Variants in LMF1 observed in about 807,000 individuals in gnomAD.
LMF1 encodes transmembrane protein 112.
Under a neutral mutation model 60.6 loss-of-function variants are expected in LMF1, and 68 were observed. The observed-to-expected ratio is 1.12, with a 90% CI of 0.92 to 1.37. The LOEUF (loss-of-function observed/expected upper bound fraction) is 1.37, where lower values mean the gene tolerates loss of function less well. Among genes scored for constraint, LMF1 ranks in the 40% most tolerant of loss-of-function variants. The probability of loss-of-function intolerance (pLI) is 0.00; values close to 1 mark genes in which losing one functional copy is unlikely to be tolerated. For synonymous variants in LMF1, 418 were observed against 324.7 expected, an observed-to-expected ratio of 1.29 and a Z score of -3.09; for missense variants, 948 against 767.2, an observed-to-expected ratio of 1.24 and a Z score of -2.78.
intron 4 of LMF1, among the ~76,000 whole-genome samples, chr16:894,300 C>T (rs2070594382): frequency 7.2e-6 from 1 of 138,436 alleles, no homozygotes; most frequent in Non-Finnish European, 1.6e-5. Context: ...CCCACCCATC[C>T]CCTGTCCACC....
chr16:877,381 A>G (rs1458508754), intron 6 of LMF1, among the ~76,000 whole-genome samples: 2 of 152,242 alleles, frequency 1.3e-5, no homozygotes, highest in Non-Finnish European at 2.9e-5. Context: ...TCAGTCACAG[A>G]GACCCTGGCG....
chr16:945,868 G>A (rs12447405), intron 2 of LMF1, among the ~76,000 whole-genome samples: 5 of 152,160 alleles, frequency 3.3e-5, no homozygotes, highest in Admixed American at 6.5e-5. Context: ...AGCTCTGGAC[G>A]CAGGAGACTG....
At chr16:932,824 G>T (rs577008747) in intron 3 of LMF1, among the ~76,000 whole-genome samples, 5 of 152,158 alleles carry the variant, frequency 3.3e-5, no homozygotes, top group Admixed American at 1.3e-4. Flanking sequence ...AATGTATCCT[G>T]GCGCACTGCG....
chr16:941,588 T>C (rs181779172), intron 2 of LMF1, among the ~76,000 whole-genome samples: 52 of 152,392 alleles, frequency 3.4e-4, no homozygotes, highest in African/African-American at 1.3e-3. Flanking sequence ...ATCATTGATA[T>C]GGCTCATTGG....
At chr16:927,041 C>A (rs113197810) in intron 3 of LMF1, among the ~76,000 whole-genome samples, 3 of 152,318 alleles carry the variant, frequency 2.0e-5, no homozygotes, top group Non-Finnish European at 4.4e-5. Flanking sequence ...AGAAGGGCCA[C>A]TGCACCCAGG....
At chr16:918,372 C>T (rs780769649) in intron 3 of LMF1, among the ~76,000 whole-genome samples, 8 of 152,192 alleles carry the variant, frequency 5.3e-5, no homozygotes, top group Non-Finnish European at 8.8e-5. Flanking sequence ...GAAACAAATC[C>T]GCAGTAATGA....
chr16:953,932 TACAC>T (rs2072578588), intron 2 of LMF1, among the ~76,000 whole-genome samples: 1 of 92,286 alleles, frequency 1.1e-5, no homozygotes, highest in African/African-American at 3.9e-5. Context: ...ACCAGCTTCC[TACAC>T]GTCCACACAG....
intron 2 of LMF1, among the ~76,000 whole-genome samples, chr16:946,628 C>T (rs1023570239): frequency 1.1e-4 from 17 of 152,216 alleles, no homozygotes; most frequent in South Asian, 2.1e-4. Flanking sequence ...AGGCCCCTCT[C>T]GTGGGAGTTC....
In LMF1 at chr16:920,766, A is replaced by G. The variant is rs79373502; in HGVS notation, c.515-9687T>C. Among the ~76,000 whole-genome samples the G allele has an allele frequency of 5.0e-3, 768 of 152,356 alleles. 6 individuals carry two copies. The highest frequency in any genetic ancestry group is 0.026 in the Admixed American group (392 of 15,310). ...ACTGGCAACGGAAGATAAAATCCCC[A>G]AAGCCATCAGAGAAACATAACACGT... On this transcript the variant is annotated intron_variant, in intron 3 of 10. Coordinates refer to ENST00000262301, the MANE Select transcript of LMF1 (RefSeq NM_022773.4).
At chr16:856,794 G>A (rs929443256) in intron 10 of LMF1, among the ~76,000 whole-genome samples, 14 of 152,250 alleles carry the variant, frequency 9.2e-5, no homozygotes, top group Admixed American at 6.5e-5. Context: ...GCCCCGGAGG[G>A]CTTGAGAGTG....
rs1019197609 is a variant in LMF1 at position 931,427 on chromosome 16, A to G, written c.514+2817T>C. On this transcript the variant is annotated intron_variant, in intron 3 of 10. Transcript: ENST00000262301. ...AACCACCTGATCTCCACTAAAGCCC[A>G]TTGTGCAAAATGAAGACAAGGAATG... 2.0e-5 allele frequency among the ~76,000 whole-genome samples: 3 copies of G among 152,220 alleles called. No individual in the cohort carries two copies. In the East Asian group the frequency reaches 5.8e-4, roughly 29 times the overall value.
In LMF1 at chr16:869,989, T is replaced by G. The variant is rs1358333322; in HGVS notation, c.1310A>C (p.Glu437Ala). Reference protein sequence around the residue: ...SNASAPDAMWEDYEFKCKPGD... With the variant: ...SNASAPDAMWADYEFKCKPGD... ...TGGCTTGCACTTGAACTCGTAGTCC[T>G]CCCACATGGCATCGGGGGCGCTGGC... Residue 437 changes from glutamate (E) to alanine (A), a missense_variant, in exon 9 of 11, where the codon GAG becomes GCG. Coordinates refer to ENST00000262301, the MANE Select transcript of LMF1 (RefSeq NM_022773.4). The G allele has an allele frequency of 1.2e-6, 2 of 1,613,274 alleles. No homozygotes were observed. The highest frequency in any genetic ancestry group is 3.3e-5 in the Admixed American group (2 of 60,018).
chr16:966,557 A>G (rs548676247), intron 1 of LMF1, among the ~76,000 whole-genome samples: 3 of 152,350 alleles, frequency 2.0e-5, no homozygotes, highest in South Asian at 4.1e-4. Context: ...AATTGTAACA[A>G]TATCTCATAA....
At chr16:890,732 C>T (rs2070458296) in intron 5 of LMF1, among the ~76,000 whole-genome samples, 1 of 152,236 alleles carries the variant, frequency 6.6e-6, no homozygotes, top group Non-Finnish European at 1.5e-5. Flanking sequence ...GGATTTGGGG[C>T]TCAGCAGTCC....
At chr16:866,288 G>A (rs1167212069) in intron 10 of LMF1, among the ~76,000 whole-genome samples, 1 of 152,200 alleles carries the variant, frequency 6.6e-6, no homozygotes, top group South Asian at 2.1e-4. Flanking sequence ...CCTTGCTCCT[G>A]CCAGGTTGGG....
chr16:861,585 A>G (rs762989927), intron 10 of LMF1, among the ~76,000 whole-genome samples: 28 of 151,668 alleles, frequency 1.8e-4, no homozygotes, highest in Non-Finnish European at 3.8e-4. Flanking sequence ...TGAACTCCCG[A>G]CCTCAGGTGA....
intron 1 of LMF1, among the ~76,000 whole-genome samples, chr16:957,462 G>A (rs537140678): frequency 1.9e-4 from 29 of 152,150 alleles, no homozygotes; most frequent in African/African-American, 5.8e-4. Flanking sequence ...ACTATATGAA[G>A]AGATAGACCA....
chr16:959,642 G>A (rs1234994129), intron 1 of LMF1, among the ~76,000 whole-genome samples: 4 of 152,206 alleles, frequency 2.6e-5, no homozygotes, highest in Non-Finnish European at 4.4e-5. Flanking sequence ...AAGCAACTCC[G>A]GAAAATGTTC....
chr16:859,925 C>G (rs113594858), intron 10 of LMF1, among the ~76,000 whole-genome samples: 738 of 30,448 alleles, frequency 0.024, 24 homozygotes, highest in African/African-American at 0.12. Context: ...GTCACGGGAT[C>G]GGTGTGAGTG....
Sources: allele counts gnomAD v4.1 joint callset (sites outside exome capture counted in the v4.1 genomes callset), GRCh38; gene constraint gnomAD v4.1.1; transcripts MANE v1.5; gene names NCBI Gene and HGNC (gene_info 2026-07-23, HGNC 2026-07-21).